The following CERS2 variants were observed in gnomAD, a reference collection of about 807,000 sequenced individuals.
CERS2 encodes ceramide synthase 2, also known as LAG1 homolog, ceramide synthase 2.
CERS2 carries 20 observed loss-of-function variants against 56.6 expected under a neutral mutation model. That is an observed-to-expected ratio of 0.35 (90% CI 0.25 to 0.51). The LOEUF (loss-of-function observed/expected upper bound fraction) is 0.51. Ranked by LOEUF, CERS2 falls within the 20% of genes least tolerant of loss-of-function variation. The probability of loss-of-function intolerance (pLI) is 0.96; values close to 1 mark genes in which losing one functional copy is unlikely to be tolerated. For synonymous variants in CERS2, 187 were observed against 175.4 expected, an observed-to-expected ratio of 1.07 and a Z score of -0.52; for missense variants, 361 against 488.6, an observed-to-expected ratio of 0.74 and a Z score of 2.46.
chr1:150,969,151 T>C (rs587721908), intron 1 of CERS2, 60 bp from the exon 2 acceptor site: 2 of 1,476,674 alleles, frequency 1.4e-6, no homozygotes, highest in East Asian at 2.3e-5. Flanking sequence ...AAGAGATAGA[T>C]GAATAAAAGT....
At chr1:150,967,963 T>TA in intron 4 of CERS2, 86 bp from the exon 5 acceptor site, 1 of 1,380,704 alleles carries the variant, frequency 7.2e-7, no homozygotes, top group Non-Finnish European at 1.0e-6. Context: ...CCTCACAAGA[T>TA]ACCATTAATA....
At chr1:150,971,728 A>C (rs958834263) in intron 1 of CERS2, 2 of 360,860 alleles carry the variant, frequency 5.5e-6, no homozygotes, top group Admixed American at 7.8e-5. Context: ...AAGAAGGGAC[A>C]AGGGTAGAAA....
At chr1:150,968,288 C>T (rs1326633334) in intron 3 of CERS2, 87 bp from the exon 4 acceptor site, 21 of 1,472,532 alleles carry the variant, frequency 1.4e-5, no homozygotes, top group Non-Finnish European at 2.0e-5. Context: ...CCTCAGTCAG[C>T]ACCACTGCTT....
intron 6 of CERS2, 60 bp downstream of exon 6, chr1:150,967,604 A>G: frequency 6.6e-7 from 1 of 1,513,108 alleles, no homozygotes; most frequent in Non-Finnish European, 9.2e-7. Flanking sequence ...GATTCCACAA[A>G]CCGTCTCTTC....
chr1:150,969,570 C>CA (rs5777746), intron 1 of CERS2, among the ~76,000 whole-genome samples: 48,824 of 118,974 alleles, frequency 0.41, 8,578 homozygotes, highest in South Asian at 0.55. Context: ...GAGACTGTCT[C>CA]AAAAAAAAAA....
intron 1 of CERS2, among the ~76,000 whole-genome samples, chr1:150,970,312 G>A (rs1342328846): frequency 1.3e-5 from 2 of 149,148 alleles, no homozygotes; most frequent in Non-Finnish European, 3.0e-5. Flanking sequence ...ACTGGACATC[G>A]AACTACTGCA....
At chr1:150,971,767 CTT>C in intron 1 of CERS2, 1 of 452,900 alleles carries the variant, frequency 2.2e-6, no homozygotes, top group Non-Finnish European at 4.6e-6. Flanking sequence ...ATGCGGAACA[CTT>C]TGATGTGTGC....
chr1:150,971,569 G>GC (rs1261635942), intron 1 of CERS2, among the ~76,000 whole-genome samples: 1 of 150,756 alleles, frequency 6.6e-6, no homozygotes, highest in Non-Finnish European at 1.5e-5. Context: ...CACTGCCCCT[G>GC]CCCCCTCCAC....
chr1:150,974,269 G>C (rs962099178), intron 1 of CERS2: 1 of 152,104 alleles, frequency 6.6e-6, no homozygotes, highest in Non-Finnish European at 1.5e-5. Flanking sequence ...GGAAGCCCAC[G>C]GCTCGGCCCC....
chr1:150,966,943 C>T, intron 8 of CERS2, 81 bp from the exon 9 acceptor site: 1 of 1,436,296 alleles, frequency 7.0e-7, no homozygotes, highest in Non-Finnish European at 9.8e-7. Flanking sequence ...GTTAGGAGCA[C>T]TGACTCTGTG....
rs140031607 is a variant in CERS2, at chr1:150,969,000, G to A, written c.91C>T (p.Arg31Cys). The A allele has an allele frequency of 9.3e-6, 15 of 1,613,950 alleles. No individual in the cohort carries two copies. The East Asian group carries it at 1.6e-4, about 17-fold the overall frequency. ...AGATCTGAGGCTTTGGCGTAGACAC[G>A]TCCATCTCGGTCTTCTAGATCGGCC... ...TWADLEDRDG[R>C]VYAKASDLYI... Residue 31 changes from arginine (R) to cysteine (C), a missense_variant, in exon 2 of 11, where the codon CGT (arginine) becomes TGT (cysteine). Physicochemically the swap from Arg to Cys is radical, Grantham distance 180. This residue lies in a region of CERS2 where 236 missense variants were observed against 309.2 expected (regional missense o/e 0.76). Transcript: ENST00000368954.
Position 150,966,080 on chromosome 1 carries a change from T to A in CERS2, c.*68A>T. The stretch of plus-strand genomic sequence containing the variant: ...TTTTCCCCAGAGCTTAAAGTGACCC[T>A]ATAGCGCAGGGAGCGGGGTAGTTCC... On this transcript the variant is annotated 3_prime_UTR_variant, in exon 11 of 11. Coordinates refer to ENST00000368954, the MANE Select transcript of CERS2 (RefSeq NM_022075.5). The A allele has an allele frequency of 6.8e-7, 1 of 1,469,104 alleles. No homozygotes were observed. Among genetic ancestry groups the A allele is most frequent in the Non-Finnish European group, 9.3e-7 (1 of 1,080,726 alleles). 91.0% of individuals were successfully genotyped at this position (1,469,104 alleles called of 1,614,324 possible).
chr1:150,966,100 A>C lies in CERS2; in HGVS notation c.*48T>G, dbSNP rs751386100. 4 of 1,576,530 alleles carry C rather than the reference A, an allele frequency of 2.5e-6. No individual in the cohort carries two copies. In the African/African-American group the frequency reaches 5.4e-5, roughly 21 times the overall value. On this transcript the variant is annotated 3_prime_UTR_variant, in exon 11 of 11. Transcript: ENST00000368954. Reference sequence around the variant, plus strand: ...GACCCTATAGCGCAGGGAGCGGGGTAGTTCCTTGGCTTTATGCATTAATCT... The same window carrying C: ...GACCCTATAGCGCAGGGAGCGGGGTCGTTCCTTGGCTTTATGCATTAATCT...
At chr1:150,966,348 T>G (rs1671015014) in intron 10 of CERS2, 60 bp from the exon 11 acceptor site, 1 of 1,599,184 alleles carries the variant, frequency 6.3e-7, no homozygotes, top group Non-Finnish European at 8.5e-7. Flanking sequence ...AAGTACTGCT[T>G]CTCTCTGAGG....
intron 1 of CERS2, 138 bp from the exon 2 acceptor site, chr1:150,969,229 G>A (rs993646385): frequency 2.9e-6 from 2 of 697,100 alleles, no homozygotes; most frequent in African/African-American, 3.6e-5. Context: ...TGGCTATGTA[G>A]CCTTGGGCAA....
In CERS2 at chr1:150,968,179, C is replaced by G; in HGVS notation, c.314G>C (p.Arg105Pro). ...PKQVEVELLS[R>P]QSGLSGRQVE... Reference sequence around the variant, plus strand: ...CTGGCGGCCAGAGAGCCCGCTCTGCCGGGACAAAAGCTCTACTTCCACCTG... The same window carrying G: ...CTGGCGGCCAGAGAGCCCGCTCTGCGGGGACAAAAGCTCTACTTCCACCTG... The change falls in exon 4 of 11, where the codon CGG (arginine) becomes CCG (proline). Residue 105 changes from arginine to proline, a missense_variant. Physicochemically the swap from Arg to Pro is moderately radical, Grantham distance 103. Transcript: ENST00000368954. 1 of 1,609,314 alleles carries G rather than the reference C, an allele frequency of 6.2e-7. No individual in the cohort carries two copies.
Position 150,966,058 on chromosome 1 carries a change from T to C in CERS2, c.*90A>G, listed in dbSNP as rs1671000730. On this transcript the variant is annotated 3_prime_UTR_variant, in exon 11 of 11. Transcript: ENST00000368954. ...AACTCTCCTCTCACTTTCTCCTTTT[T>C]CCCCAGAGCTTAAAGTGACCCTATA... 1 of 1,313,614 alleles carries C rather than the reference T, an allele frequency of 7.6e-7. No individual in the cohort carries two copies. Among genetic ancestry groups the C allele is most frequent in the East Asian group, 2.5e-5 (1 of 39,488 alleles). The allele number at this position is 1,313,614 out of a possible 1,614,324, so 81.4% of individuals were successfully genotyped here.
intron 1 of CERS2, among the ~76,000 whole-genome samples, chr1:150,972,680 G>A (rs1032845265): frequency 2.6e-5 from 4 of 152,154 alleles, no homozygotes; most frequent in African/African-American, 9.7e-5. Flanking sequence ...ATCTGTCTAC[G>A]CTCTCTCTCA....
chr1:150,972,085 A>G, intron 1 of CERS2: 1 of 370,600 alleles, frequency 2.7e-6, no homozygotes, highest in Non-Finnish European at 5.4e-6. Context: ...GGGGGCAGGC[A>G]AAGTAGGCAC....
Sources: allele counts gnomAD v4.1 joint callset (sites outside exome capture counted in the v4.1 genomes callset), GRCh38; gene constraint gnomAD v4.1.1; regional missense constraint gnomAD v4.1.1; transcripts MANE v1.5; gene names NCBI Gene and HGNC (gene_info 2026-07-23, HGNC 2026-07-21).